Variants in RBFOX1 observed in about 807,000 individuals in gnomAD.
The protein encoded by RBFOX1 is RNA binding fox-1 homolog 1, also known as RNA binding protein fox-1 homolog 1.
RBFOX1 carries 8 observed loss-of-function variants against 57.7 expected under a neutral mutation model. The observed-to-expected ratio is 0.14, with a 90% CI of 0.08 to 0.25. The LOEUF (loss-of-function observed/expected upper bound fraction) is 0.25. RBFOX1 is among the 10% of genes least tolerant of loss of function. The pLI, the probability that RBFOX1 is intolerant of heterozygous loss-of-function variation, is 1.00. For missense variants in RBFOX1, 611 were observed against 548.5 expected (o/e 1.11, Z -1.14); for synonymous variants, 326 against 222.4 (o/e 1.47, Z -4.15).
At chr16:6,947,095 G>C (rs1404006351) in intron 3 of RBFOX1, among the ~76,000 whole-genome samples, 1 of 152,126 alleles carries the variant, frequency 6.6e-6, no homozygotes, top group Non-Finnish European at 1.5e-5. Context: ...ATAGTTAAGA[G>C]GATTTAATGG....
At chr16:6,339,713 C>G (rs1434199562) in intron 2 of RBFOX1, among the ~76,000 whole-genome samples, 1 of 151,458 alleles carries the variant, frequency 6.6e-6, no homozygotes, top group African/African-American at 2.4e-5. Flanking sequence ...CTCTGTCACC[C>G]AGGCTGGAGT....
intron 3 of RBFOX1, among the ~76,000 whole-genome samples, chr16:6,740,083 A>T (rs191803053): frequency 2.0e-5 from 3 of 152,220 alleles, no homozygotes; most frequent in Non-Finnish European, 2.9e-5. Context: ...CCTAATGAGG[A>T]ATAGTCCAGT....
intron 2 of RBFOX1, among the ~76,000 whole-genome samples, chr16:6,451,422 C>G (rs138458997): frequency 2.3e-3 from 344 of 152,206 alleles, no homozygotes; most frequent in African/African-American, 7.6e-3. Flanking sequence ...ATCTTCTTAT[C>G]TCCATTGTTA....
At chr16:6,974,647 T>C (rs2086398664) in intron 3 of RBFOX1, among the ~76,000 whole-genome samples, 1 of 152,004 alleles carries the variant, frequency 6.6e-6, no homozygotes, top group Non-Finnish European at 1.5e-5. Context: ...ACCTGGCCCA[T>C]AAATCATATT....
chr16:6,459,173 A>G (rs1051304031), intron 2 of RBFOX1, among the ~76,000 whole-genome samples: 2 of 152,154 alleles, frequency 1.3e-5, no homozygotes, highest in Non-Finnish European at 2.9e-5. Context: ...GTCTCTACTA[A>G]AACTACAAAA....
chr16:7,136,834 G>A (rs1217544944), intron 4 of RBFOX1, among the ~76,000 whole-genome samples: 1 of 152,228 alleles, frequency 6.6e-6, no homozygotes, highest in East Asian at 1.9e-4. Context: ...CTCTGTACCA[G>A]AGGGGTTAAT....
chr16:6,827,290 C>G (rs958477045), intron 3 of RBFOX1, among the ~76,000 whole-genome samples: 2 of 151,992 alleles, frequency 1.3e-5, no homozygotes, highest in South Asian at 2.1e-4. Flanking sequence ...AAGTGCTGTC[C>G]TCCAAACCAG....
intron 4 of RBFOX1, among the ~76,000 whole-genome samples, chr16:5,994,107 C>T (rs76594809): frequency 3.3e-5 from 5 of 152,116 alleles, no homozygotes; most frequent in Non-Finnish European, 7.4e-5. Context: ...TCTCTCTGTT[C>T]CTGTTTTTCC....
chr16:6,633,800 G>A (rs896771432), intron 2 of RBFOX1, among the ~76,000 whole-genome samples: 14 of 152,086 alleles, frequency 9.2e-5, no homozygotes, highest in Non-Finnish European at 2.1e-4. Context: ...CTTGAGTTGA[G>A]GAGTTTGAGA....
At chr16:6,756,066 C>T (rs143217862) in intron 3 of RBFOX1, among the ~76,000 whole-genome samples, 1 of 152,284 alleles carries the variant, frequency 6.6e-6, no homozygotes, top group East Asian at 1.9e-4. Context: ...GGAGTGACCA[C>T]ATTGGCAGCA....
intron 2 of RBFOX1, among the ~76,000 whole-genome samples, chr16:6,568,798 C>G (rs1364179773): frequency 1.3e-5 from 2 of 152,008 alleles, no homozygotes; most frequent in Non-Finnish European, 2.9e-5. Flanking sequence ...GAGATTGAGT[C>G]TTCTCTGACA....
intron 3 of RBFOX1, among the ~76,000 whole-genome samples, chr16:5,833,232 G>C (rs971842559): frequency 2.0e-4 from 31 of 152,150 alleles, no homozygotes; most frequent in Admixed American, 6.5e-5. Flanking sequence ...GGTGGCTCAC[G>C]CCTGTAATCC....
intron 5 of RBFOX1, among the ~76,000 whole-genome samples, chr16:7,560,243 C>G (rs1272603729): frequency 2.0e-5 from 3 of 152,170 alleles, no homozygotes; most frequent in Non-Finnish European, 4.4e-5. Flanking sequence ...CAAGAACCCC[C>G]TATGGGGGGT....
intron 3 of RBFOX1, among the ~76,000 whole-genome samples, chr16:6,684,648 C>G (rs2059159800): frequency 6.6e-6 from 1 of 152,112 alleles, no homozygotes; most frequent in African/African-American, 2.4e-5. Context: ...GAGGTGGCTT[C>G]TTTATCAGTG....
intron 4 of RBFOX1, among the ~76,000 whole-genome samples, chr16:7,343,981 C>A (rs897789520): frequency 6.6e-6 from 1 of 152,162 alleles, no homozygotes; most frequent in East Asian, 1.9e-4. Context: ...CAACCAACAC[C>A]AATGCAATTA....
chr16:6,849,413 A>C (rs2093946006), intron 3 of RBFOX1, among the ~76,000 whole-genome samples: 1 of 152,194 alleles, frequency 6.6e-6, no homozygotes, highest in South Asian at 2.1e-4. Flanking sequence ...TCACACCTGT[A>C]ATACTAACAC....
intron 3 of RBFOX1, among the ~76,000 whole-genome samples, chr16:5,663,297 A>G (rs1029565108): frequency 7.9e-5 from 12 of 151,704 alleles, no homozygotes; most frequent in African/African-American, 2.7e-4. Context: ...TATAGCTTCA[A>G]CCTCCTGGGT....
At chr16:7,125,951 C>T (rs1443560277) in intron 4 of RBFOX1, among the ~76,000 whole-genome samples, 2 of 152,132 alleles carry the variant, frequency 1.3e-5, no homozygotes, top group Non-Finnish European at 2.9e-5. Flanking sequence ...TGCGTGGTGG[C>T]ACACACCCGT....
chr16:6,288,279 A>T (rs1346141724), intron 1 of RBFOX1, among the ~76,000 whole-genome samples: 1 of 152,176 alleles, frequency 6.6e-6, no homozygotes, highest in Admixed American at 6.5e-5. Context: ...TGTTGTGCAT[A>T]TGAGTCATGT....
Sources: gnomAD v4.1 joint callset for allele counts (sites outside exome capture counted in the v4.1 genomes callset) on GRCh38, gnomAD v4.1.1 for gene constraint, MANE v1.5 for transcripts, NCBI Gene and HGNC (gene_info 2026-07-23, HGNC 2026-07-21) for gene names.